PLCG2: variants seen among roughly 807,000 people sequenced by gnomAD.
PLCG2 encodes the protein 1-phosphatidylinositol 4,5-bisphosphate phosphodiesterase gamma-2.
In PLCG2, 69 loss-of-function variants were observed where a neutral mutation model predicts 175.6. That is an observed-to-expected ratio of 0.39 (90% CI 0.32 to 0.48). The LOEUF (loss-of-function observed/expected upper bound fraction) is 0.48. Ranked by LOEUF, PLCG2 falls within the 20% of genes least tolerant of loss-of-function variation. The pLI, the probability that PLCG2 is intolerant of heterozygous loss-of-function variation, is 0.91. For missense variants in PLCG2, 1,798 were observed against 1,650.9 expected (o/e 1.09, Z -1.54); for synonymous variants, 827 against 624.0 (o/e 1.33, Z -4.85).
At chr16:81,942,789 G>A (rs11639666) in intron 30 of PLCG2, among the ~76,000 whole-genome samples, 3,815 of 152,252 alleles carry the variant, frequency 0.025, 197 homozygotes, top group East Asian at 0.15. Context: ...TTCGAACCCC[G>A]TGTTCCTCCT....
At chr16:81,864,734 C>T (rs1907145081) in intron 5 of PLCG2, among the ~76,000 whole-genome samples, 1 of 152,162 alleles carries the variant, frequency 6.6e-6, no homozygotes, top group African/African-American at 2.4e-5. Flanking sequence ...GCCGGCCCAG[C>T]CTCAGCATGG....
chr16:81,791,845 A>C (rs1388770708), intron 2 of PLCG2, among the ~76,000 whole-genome samples: 1 of 152,158 alleles, frequency 6.6e-6, no homozygotes, highest in East Asian at 1.9e-4. Context: ...GATTACAGGC[A>C]TGAACCACTG....
At chr16:81,772,173 G>C (rs1910296003) in intron 2 of PLCG2, among the ~76,000 whole-genome samples, 1 of 152,180 alleles carries the variant, frequency 6.6e-6, no homozygotes, top group Admixed American at 6.5e-5. Flanking sequence ...CAGAGGACTG[G>C]TGTTCTTACC....
At chr16:81,844,671 A>G (rs2033540422) in intron 2 of PLCG2, among the ~76,000 whole-genome samples, 1 of 152,242 alleles carries the variant, frequency 6.6e-6, no homozygotes, top group African/African-American at 2.4e-5. Flanking sequence ...AACCTCGTAC[A>G]GCAGGTCTAT....
In PLCG2 at chr16:81,960,606, T is replaced by C. The variant is rs946805363; in HGVS notation, c.*2608T>C. ...GGAGTGAAAGGTGTAGAGGGTCTTG[T>C]TTTCCAAATTCGATCTCAGAATCTT... On this transcript the variant is annotated 3_prime_UTR_variant, in exon 33 of 33. Transcript: ENST00000564138. The C allele has an allele frequency of 2.6e-5, 6 of 231,530 alleles. No individual in the cohort carries two copies. Among genetic ancestry groups the C allele is most frequent in the Non-Finnish European group, 5.1e-5 (6 of 117,054 alleles). 14.3% of individuals were successfully genotyped at this position (231,530 alleles called of 1,614,324 possible).
chr16:81,761,546 G>A (rs555873897), intron 2 of PLCG2, among the ~76,000 whole-genome samples: 19 of 152,184 alleles, frequency 1.2e-4, no homozygotes, highest in Non-Finnish European at 2.8e-4. Context: ...CCCTCGGCTA[G>A]CCTTTCAAAC....
At position 81,931,503 on chromosome 16, in the gene PLCG2, C is replaced by A. The variant is rs766006428; in HGVS notation, c.2588C>A (p.Ala863Asp). 9 of 1,613,696 alleles carry A rather than the reference C, an allele frequency of 5.6e-6. No individual in the cohort carries two copies. In the African/African-American group the frequency reaches 6.7e-5, roughly 12 times the overall value. Reference sequence around the variant, plus strand: ...CTTATTCTCTTACCCCAAGTGAAAGCCCCTCAGGGAAAAAACCAGAAGTCC... The same window carrying A: ...CTTATTCTCTTACCCCAAGTGAAAGACCCTCAGGGAAAAAACCAGAAGTCC... ...LDLNTYNVVK[A>D]PQGKNQKSFV... The change falls in exon 25 of 33, where the codon GCC becomes GAC. Residue 863 changes from alanine to aspartate, a missense_variant. Coordinates refer to ENST00000564138, the MANE Select transcript of PLCG2 (RefSeq NM_002661.5).
intron 31 of PLCG2, among the ~76,000 whole-genome samples, chr16:81,947,579 T>G (rs1164751126): frequency 6.6e-6 from 1 of 152,194 alleles, no homozygotes; most frequent in East Asian, 1.9e-4. Flanking sequence ...AATGCAGACT[T>G]TTCTGAGCAA....
chr16:81,866,780 G>A (rs1168804890), intron 5 of PLCG2, among the ~76,000 whole-genome samples: 1 of 152,236 alleles, frequency 6.6e-6, no homozygotes, highest in Non-Finnish European at 1.5e-5. Flanking sequence ...TGGGGCACCA[G>A]CATGATCTGG....
intron 7 of PLCG2, among the ~76,000 whole-genome samples, chr16:81,877,644 C>A (rs963291942): frequency 6.6e-6 from 1 of 152,182 alleles, no homozygotes; most frequent in African/African-American, 2.4e-5. Context: ...TGGACACCGC[C>A]TGGCTGCTGG....
At chr16:81,867,272 G>T (rs995221556) in intron 5 of PLCG2, among the ~76,000 whole-genome samples, 2 of 152,210 alleles carry the variant, frequency 1.3e-5, no homozygotes, top group Non-Finnish European at 2.9e-5. Flanking sequence ...AAGGTGGGGC[G>T]AGCTTCCTCT....
Position 81,961,746 on chromosome 16 carries a change from G to A in PLCG2, c.*3748G>A. Reference sequence around the variant, plus strand: ...ATAACTTATATTAAGAACCTCCTGGGCTAAATTTAAAAAGTAATACAACAG... The same window carrying A: ...ATAACTTATATTAAGAACCTCCTGGACTAAATTTAAAAAGTAATACAACAG... On this transcript the variant is annotated 3_prime_UTR_variant, in exon 33 of 33. Transcript: ENST00000564138. 2 of 204,934 alleles carry A rather than the reference G, an allele frequency of 9.8e-6. No individual in the cohort carries two copies. The highest frequency in any genetic ancestry group is 2.0e-5 in the Non-Finnish European group (2 of 100,144). 12.7% of individuals were successfully genotyped at this position (204,934 alleles called of 1,614,324 possible).
intron 7 of PLCG2, among the ~76,000 whole-genome samples, chr16:81,875,973 G>A (rs1351424812): frequency 6.6e-6 from 1 of 151,404 alleles, no homozygotes; most frequent in Non-Finnish European, 1.5e-5. Context: ...AGTCCACAGT[G>A]GAGAAGTTAG....
At chr16:81,758,159 G>T (rs951171936) in intron 2 of PLCG2, among the ~76,000 whole-genome samples, 5 of 152,008 alleles carry the variant, frequency 3.3e-5, no homozygotes, top group Non-Finnish European at 5.9e-5. Context: ...GTATTATTTT[G>T]CAGAGATGGG....
rs539227875 is a variant in PLCG2, at chr16:81,898,994, C to A, written c.1194-1618C>A. Among the ~76,000 whole-genome samples, 299 of 152,120 alleles carry A rather than the reference C, an allele frequency of 2.0e-3. 1 individual carries two copies. Among genetic ancestry groups the A allele is most frequent in the African/African-American group, 6.3e-3 (260 of 41,472 alleles). ...GAATTCAGGAGTTTGAGACCAGCAGCCTGGCCAACATGGTGAAACCCTATC... is the reference window on the plus strand; with the variant it reads ...GAATTCAGGAGTTTGAGACCAGCAGACTGGCCAACATGGTGAAACCCTATC... On this transcript the variant is annotated intron_variant, in intron 13 of 32. Transcript: ENST00000564138.
At chr16:81,847,288 T>G (rs910117392) in intron 2 of PLCG2, among the ~76,000 whole-genome samples, 2 of 152,140 alleles carry the variant, frequency 1.3e-5, no homozygotes, top group Admixed American at 1.3e-4. Flanking sequence ...GCCAGAAACT[T>G]CCATGTGTTT....
At chr16:81,740,714 G>A (rs1275791646) in intron 1 of PLCG2, 2 of 100,332 alleles carry the variant, frequency 2.0e-5, no homozygotes, top group African/African-American at 8.1e-5. Flanking sequence ...AACAGAGCCA[G>A]ACTCCATCTC....
intron 5 of PLCG2, among the ~76,000 whole-genome samples, chr16:81,860,566 G>A (rs184843851): frequency 2.0e-5 from 3 of 152,254 alleles, no homozygotes; most frequent in East Asian, 1.9e-4. Context: ...ATCTGCAACC[G>A]AGGCAACCAA....
At chr16:81,748,497 A>T (rs938877614) in intron 1 of PLCG2, among the ~76,000 whole-genome samples, 1 of 152,104 alleles carries the variant, frequency 6.6e-6, no homozygotes, top group Non-Finnish European at 1.5e-5. Flanking sequence ...CTGAAAGGAG[A>T]CACAAGAAAG....
Sources: allele counts gnomAD v4.1 joint callset (sites outside exome capture counted in the v4.1 genomes callset), GRCh38; gene constraint gnomAD v4.1.1; transcripts MANE v1.5; gene names NCBI Gene and HGNC (gene_info 2026-07-23, HGNC 2026-07-21).